The following SLC30A9 variants were observed in gnomAD, a reference collection of about 807,000 sequenced individuals.
SLC30A9 encodes solute carrier family 30 member 9, also known as proton-coupled zinc antiporter SLC30A9, mitochondrial.
Under a neutral mutation model 87.5 loss-of-function variants are expected in SLC30A9, and 58 were observed. That is an observed-to-expected ratio of 0.66 (90% CI 0.54 to 0.82). The LOEUF is 0.82. Ranked by LOEUF, SLC30A9 falls within the 40% of genes least tolerant of loss-of-function variation. SLC30A9 has a pLI of 0.00. For synonymous variants in SLC30A9, 234 were observed against 233.0 expected (o/e 1.00, Z -0.04); for missense variants, 557 against 679.1 (o/e 0.82, Z 2.00).
Position 42,018,107 on chromosome 4 carries a change from A to G in SLC30A9, c.275-4A>G, listed in dbSNP as rs1331279664. 2.0e-6 allele frequency: 3 copies of G among 1,510,970 alleles called. No homozygotes were observed. Among genetic ancestry groups the G allele is most frequent in the African/African-American group, 1.4e-5 (1 of 72,352 alleles). 93.6% of individuals were successfully genotyped at this position (1,510,970 alleles called of 1,614,324 possible). Reference sequence around the variant, plus strand: ...ATGTAAACTTCTTTTAATAAACTTTACAGCAGAAGGTATAGGCACAGAACT... The same window carrying G: ...ATGTAAACTTCTTTTAATAAACTTTGCAGCAGAAGGTATAGGCACAGAACT... On this transcript the variant is annotated splice_region_variant and splice_polypyrimidine_tract_variant and intron_variant, in intron 2 of 17. Coordinates refer to ENST00000264451, the MANE Select transcript of SLC30A9 (RefSeq NM_006345.4).
chr4:41,991,257 G>A (rs893843244), intron 1 of SLC30A9, among the ~76,000 whole-genome samples: 6 of 152,212 alleles, frequency 3.9e-5, no homozygotes, highest in African/African-American at 1.4e-4. Context: ...GGATCTTTTG[G>A]AAGAAGTACG....
intron 8 of SLC30A9, among the ~76,000 whole-genome samples, chr4:42,044,714 A>G (rs1717072858): frequency 6.6e-6 from 1 of 152,174 alleles, no homozygotes; most frequent in African/African-American, 2.4e-5. Flanking sequence ...GACCAAGCAG[A>G]CTAATAGACA....
intron 16 of SLC30A9, among the ~76,000 whole-genome samples, chr4:42,077,084 G>A (rs1718587731): frequency 6.6e-6 from 1 of 152,130 alleles, no homozygotes; most frequent in Admixed American, 6.5e-5. Flanking sequence ...AAATAGGTGG[G>A]CCATTGGGTG....
In SLC30A9 at chr4:42,017,959, TTAAC is replaced by T. The variant is rs374840863; in HGVS notation, c.275-149_275-146del. ...ATGAGATAAATAGCTTTTGTAATGT[TTAAC>T]TACTCTTACATTCTTAAGATGAATC... On this transcript the variant is annotated intron_variant, in intron 2 of 17. Transcript: ENST00000264451. 511 of 508,854 alleles carry T rather than the reference TTAAC, an allele frequency of 1.0e-3. 3 individuals carry two copies. Among genetic ancestry groups the T allele is most frequent in the African/African-American group, 9.1e-3 (450 of 49,542 alleles). 31.5% of individuals were successfully genotyped at this position (508,854 alleles called of 1,614,324 possible).
chr4:41,993,413 T>A (rs1714543340), intron 1 of SLC30A9, among the ~76,000 whole-genome samples: 1 of 152,136 alleles, frequency 6.6e-6, no homozygotes, highest in Non-Finnish European at 1.5e-5. Context: ...GTATCTAAGT[T>A]ATAAAGAATT....
intron 14 of SLC30A9, among the ~76,000 whole-genome samples, chr4:42,069,534 T>C (rs908340864): frequency 6.6e-6 from 1 of 152,180 alleles, no homozygotes. Context: ...TTTTTAACAC[T>C]TAGTATAGAT....
At position 42,068,940 on chromosome 4, in the gene SLC30A9, T is replaced by C. The variant is rs115075838; in HGVS notation, c.1253-1586T>C. Among the ~76,000 whole-genome samples, 877 of 152,344 alleles carry C rather than the reference T, an allele frequency of 5.8e-3. 4 individuals carry two copies. Among genetic ancestry groups the C allele is most frequent in the African/African-American group, 0.02 (840 of 41,580 alleles). On this transcript the variant is annotated intron_variant, in intron 14 of 17. Transcript: ENST00000264451. Reference sequence around the variant, plus strand: ...ATACTTCTCTATTTGTCCTTACATATTTAAAATAATTTTAGGTGACGAGCT... The same window carrying C: ...ATACTTCTCTATTTGTCCTTACATACTTAAAATAATTTTAGGTGACGAGCT...
At chr4:42,035,360 G>C (rs779796223) in intron 7 of SLC30A9, 27 bp downstream of exon 7, 1 of 1,596,816 alleles carries the variant, frequency 6.3e-7, no homozygotes, top group South Asian at 1.1e-5. Flanking sequence ...AATAATGTGT[G>C]TGTTTGTGTT....
chr4:42,049,107 G>A (rs1027817750), intron 8 of SLC30A9, among the ~76,000 whole-genome samples: 19 of 151,980 alleles, frequency 1.3e-4, no homozygotes, highest in Admixed American at 1.1e-3. Flanking sequence ...GACTAAAGGC[G>A]TGCACTACCA....
chr4:42,063,567 A>G (rs1295598025), intron 11 of SLC30A9, among the ~76,000 whole-genome samples: 3 of 152,182 alleles, frequency 2.0e-5, no homozygotes, highest in Non-Finnish European at 4.4e-5. Flanking sequence ...GGAAGCCTGC[A>G]CTGGGGGAAT....
At chr4:42,084,762 C>T (rs1219485364) in intron 17 of SLC30A9, among the ~76,000 whole-genome samples, 11 of 152,060 alleles carry the variant, frequency 7.2e-5, no homozygotes, top group Admixed American at 2.0e-4. Context: ...TGAGCCACCG[C>T]GCCCGGCCAG....
At chr4:42,011,051 G>A (rs941640561) in intron 2 of SLC30A9, among the ~76,000 whole-genome samples, 13 of 152,096 alleles carry the variant, frequency 8.5e-5, no homozygotes, top group Admixed American at 2.0e-4. Context: ...GAAGCTGTAG[G>A]CCTAGGGAGG....
At chr4:42,063,727 C>A (rs544166629) in intron 11 of SLC30A9, among the ~76,000 whole-genome samples, 12 of 152,288 alleles carry the variant, frequency 7.9e-5, no homozygotes, top group African/African-American at 2.9e-4. Context: ...TTTCCTCTGG[C>A]CTTTGTAGAT....
At chr4:42,069,854 A>G (rs947543590) in intron 14 of SLC30A9, among the ~76,000 whole-genome samples, 3 of 152,186 alleles carry the variant, frequency 2.0e-5, no homozygotes, top group African/African-American at 7.2e-5. Flanking sequence ...GAATGCTGAA[A>G]CCCACATCCA....
chr4:42,070,450 G>T, intron 14 of SLC30A9, 76 bp from the exon 15 acceptor site: 1 of 1,147,654 alleles, frequency 8.7e-7, no homozygotes. Context: ...ACTCGTTCTG[G>T]TTCTTTGCTC....
At chr4:42,077,389 G>T (rs1427170354) in intron 16 of SLC30A9, among the ~76,000 whole-genome samples, 1 of 152,070 alleles carries the variant, frequency 6.6e-6, no homozygotes, top group Non-Finnish European at 1.5e-5. Context: ...GATTTGAAAG[G>T]TCTTTATTTT....
intron 9 of SLC30A9, among the ~76,000 whole-genome samples, chr4:42,058,864 G>T (rs1717733753): frequency 6.6e-6 from 1 of 152,264 alleles, no homozygotes; most frequent in East Asian, 1.9e-4. Context: ...GATTTGGGTG[G>T]GGACACAGTC....
intron 2 of SLC30A9, among the ~76,000 whole-genome samples, chr4:42,011,206 A>T (rs1715428085): frequency 2.0e-5 from 3 of 152,214 alleles, no homozygotes; most frequent in African/African-American, 7.2e-5. Context: ...GCACCTCTTC[A>T]CAGGGTGGCA....
intron 2 of SLC30A9, among the ~76,000 whole-genome samples, chr4:42,008,851 C>G (rs542455385): frequency 6.6e-6 from 1 of 152,290 alleles, no homozygotes; most frequent in East Asian, 1.9e-4. Flanking sequence ...GCCTCATCCT[C>G]CCTTTGGGTT....
Sources: gnomAD v4.1 joint callset for allele counts (sites outside exome capture counted in the v4.1 genomes callset) on GRCh38, gnomAD v4.1.1 for gene constraint, MANE v1.5 for transcripts, NCBI Gene and HGNC (gene_info 2026-07-23, HGNC 2026-07-21) for gene names.